The following SLC22A9 variants were observed in gnomAD, a reference collection of about 807,000 sequenced individuals.
SLC22A9 encodes the protein organic anion transporter 7.
Under a neutral mutation model 50.1 loss-of-function variants are expected in SLC22A9, and 64 were observed. That is an observed-to-expected ratio of 1.28 (90% CI 1.04 to 1.57). The LOEUF (loss-of-function observed/expected upper bound fraction) is 1.57. SLC22A9 is among the 40% of genes most tolerant of loss of function. The pLI is 0.00. For missense variants in SLC22A9, 757 were observed against 676.1 expected, an observed-to-expected ratio of 1.12 and a Z score of -1.33; for synonymous variants, 261 against 242.5, an observed-to-expected ratio of 1.08 and a Z score of -0.71.
At chr11:63,391,657 A>G (rs1295928782) in intron 6 of SLC22A9, among the ~76,000 whole-genome samples, 1 of 151,928 alleles carries the variant, frequency 6.6e-6, no homozygotes, top group African/African-American at 2.4e-5. Flanking sequence ...TTTGGCATAG[A>G]ATATCATTTC....
Position 63,374,058 on chromosome 11 carries a change from T to G in SLC22A9, c.826T>G (p.Ser276Ala), listed in dbSNP as rs1243942344. The change falls in exon 4 of 10, where the codon TCA (serine) becomes GCA (alanine). Residue 276 changes from serine (S) to alanine (A), a missense_variant. Physicochemically the swap from Ser to Ala is moderately conservative, Grantham distance 99. Coordinates refer to ENST00000279178, the MANE Select transcript of SLC22A9 (RefSeq NM_080866.3). ...SVPYFVIFLT[S>A]SWLLESARWL... ...ACCATACTTTGTGATCTTTCTGACC[T>G]CAAGGTATGAGTTTGTTTCTTCTTT... 1 of 1,606,852 alleles carries G rather than the reference T, an allele frequency of 6.2e-7. No individual in the cohort carries two copies.
chr11:63,391,427 C>A (rs1035356799), intron 6 of SLC22A9, among the ~76,000 whole-genome samples: 3 of 151,968 alleles, frequency 2.0e-5, no homozygotes, highest in Non-Finnish European at 2.9e-5. Context: ...GTTGAAGTCT[C>A]CAGTTATTAA....
chr11:63,385,856 AT>A (rs1424527943), intron 6 of SLC22A9, among the ~76,000 whole-genome samples: 1 of 152,168 alleles, frequency 6.6e-6, no homozygotes, highest in African/African-American at 2.4e-5. Context: ...GAAAGAGGGC[AT>A]CTTTGTCTTG....
intron 6 of SLC22A9, among the ~76,000 whole-genome samples, chr11:63,389,344 C>T (rs191685612): frequency 6.8e-4 from 104 of 151,842 alleles, no homozygotes; most frequent in Middle Eastern, 6.8e-3. Context: ...CCCCCAACCC[C>T]CGACAGGCCC....
chr11:63,406,242 T>G (rs1317373904), intron 6 of SLC22A9, among the ~76,000 whole-genome samples: 2 of 152,326 alleles, frequency 1.3e-5, no homozygotes, highest in Admixed American at 6.5e-5. Context: ...AGTCTGTATC[T>G]CTTTCTGAAC....
chr11:63,408,979 C>T (rs978754858), intron 9 of SLC22A9, 100 bp downstream of exon 9: 34 of 1,285,292 alleles, frequency 2.6e-5, no homozygotes, highest in Non-Finnish European at 3.7e-5. Flanking sequence ...TCTCAAAAGG[C>T]TTAGACTTAG....
At position 63,371,135 on chromosome 11, in the gene SLC22A9, TG is replaced by T; in HGVS notation, c.406del (p.Asp136IlefsTer9). On this transcript the variant is annotated frameshift_variant and splice_region_variant, in exon 2 of 10. Transcript: ENST00000279178. LOFTEE classifies it high-confidence loss of function. ...ATGTGCTGGCTTCCTTCTCTTCCAG[TG>T]GGATCTGGTATGTGACTCTCAATCA... is the stretch of plus-strand genomic sequence containing the variant. ...ISFSSTIVTE[W>X]DLVCDSQSLT... is the part of the protein sequence containing the mutation. The T allele has an allele frequency of 6.2e-7, 1 of 1,610,962 alleles. No individual in the cohort carries two copies. Among genetic ancestry groups the T allele is most frequent in the Non-Finnish European group, 8.5e-7 (1 of 1,177,498 alleles).
chr11:63,380,919 AT>A, intron 5 of SLC22A9, among the ~76,000 whole-genome samples: 1 of 152,280 alleles, frequency 6.6e-6, no homozygotes, highest in South Asian at 2.1e-4. Flanking sequence ...ATGATGCATT[AT>A]TAAACTAAAT....
chr11:63,406,737 G>A (rs548195974), intron 7 of SLC22A9, 26 bp downstream of exon 7: 35 of 1,608,220 alleles, frequency 2.2e-5, no homozygotes, highest in Non-Finnish European at 2.9e-5. Flanking sequence ...AGGTGGAAGA[G>A]AGAAATGCCT....
chr11:63,410,044 C>A lies in SLC22A9; in HGVS notation c.*182C>A. On this transcript the variant is annotated 3_prime_UTR_variant, in exon 10 of 10. Coordinates refer to ENST00000279178, the MANE Select transcript of SLC22A9 (RefSeq NM_080866.3). Reference sequence around the variant, plus strand: ...TCATGAGGTCAGAAGATAAAGACCACCCTGGCCAACATGGTGAAACCCTGT... The same window carrying A: ...TCATGAGGTCAGAAGATAAAGACCAACCTGGCCAACATGGTGAAACCCTGT... 3.8e-6 allele frequency: 2 copies of A among 527,652 alleles called. No homozygotes were observed. Among genetic ancestry groups the A allele is most frequent in the East Asian group, 3.5e-5 (1 of 28,408 alleles). 32.7% of individuals were successfully genotyped at this position (527,652 alleles called of 1,614,324 possible).
At chr11:63,409,542 G>A (rs1456068941) in intron 9 of SLC22A9, among the ~76,000 whole-genome samples, 1 of 152,054 alleles carries the variant, frequency 6.6e-6, no homozygotes, top group Non-Finnish European at 1.5e-5. Flanking sequence ...GCAGCCTGTG[G>A]GCCATAGGCT....
chr11:63,371,550 C>T, intron 2 of SLC22A9, among the ~76,000 whole-genome samples: 1 of 152,158 alleles, frequency 6.6e-6, no homozygotes, highest in Non-Finnish European at 1.5e-5. Flanking sequence ...GAAGACGTTT[C>T]ATCACATAGG....
chr11:63,370,546 C>T, intron 1 of SLC22A9, 88 bp downstream of exon 1: 1 of 1,413,950 alleles, frequency 7.1e-7, no homozygotes, highest in Non-Finnish European at 9.5e-7. Flanking sequence ...CCTTCAGTCA[C>T]ATGTAGGTCC....
chr11:63,406,517 AT>A lies in SLC22A9; in HGVS notation c.1098del (p.Phe366LeufsTer36). On this transcript the variant is annotated frameshift_variant, in exon 7 of 10. Transcript: ENST00000279178. LOFTEE classifies it high-confidence loss of function. ...SFTRFANFMAYFGLNLHVQHL... is the reference protein window; with the variant it reads ...SFTRFANFMAXFGLNLHVQHL... ...CACAGATTTGCAAACTTTATGGCCT[AT>A]TTTGGCCTTAATCTCCATGTCCAGC... The A allele has an allele frequency of 6.2e-7, 1 of 1,613,550 alleles. No individual in the cohort carries two copies. The highest frequency in any genetic ancestry group is 1.3e-5 in the African/African-American group (1 of 74,966).
intron 6 of SLC22A9, among the ~76,000 whole-genome samples, chr11:63,384,358 G>T (rs969296534): frequency 2.6e-5 from 4 of 152,072 alleles, no homozygotes; most frequent in African/African-American, 9.7e-5. Flanking sequence ...TGTTCTCATT[G>T]TTCAGCTCCC....
chr11:63,393,982 T>C (rs1031685446), intron 6 of SLC22A9, among the ~76,000 whole-genome samples: 8 of 152,208 alleles, frequency 5.3e-5, no homozygotes, highest in Non-Finnish European at 1.2e-4. Flanking sequence ...TTGGGGATTT[T>C]GTTCATTCCT....
chr11:63,383,307 C>G (rs1229093831), intron 6 of SLC22A9, among the ~76,000 whole-genome samples: 1 of 152,104 alleles, frequency 6.6e-6, no homozygotes, highest in Admixed American at 6.6e-5. Context: ...CTCTGGATAT[C>G]TTAAGAATAA....
At chr11:63,380,496 C>T (rs565172613) in intron 5 of SLC22A9, among the ~76,000 whole-genome samples, 1 of 152,272 alleles carries the variant, frequency 6.6e-6, no homozygotes, top group African/African-American at 2.4e-5. Context: ...CCATGGAATA[C>T]TAAGCAGCCA....
intron 6 of SLC22A9, among the ~76,000 whole-genome samples, chr11:63,403,178 A>G (rs2014978604): frequency 6.6e-6 from 1 of 152,098 alleles, no homozygotes; most frequent in Admixed American, 6.6e-5. Context: ...TTTCTGATTA[A>G]ATTATCAAAG....
Sources: gnomAD v4.1 joint callset for allele counts (sites outside exome capture counted in the v4.1 genomes callset) on GRCh38, gnomAD v4.1.1 for gene constraint, MANE v1.5 for transcripts, NCBI Gene and HGNC (gene_info 2026-07-23, HGNC 2026-07-21) for gene names.